The following CAP2 variants were observed in gnomAD, a reference collection of about 807,000 sequenced individuals.
CAP2 encodes the protein adenylyl cyclase-associated protein 2.
Under a neutral mutation model 57.7 loss-of-function variants are expected in CAP2, and 24 were observed. The observed-to-expected ratio is 0.42, with a 90% CI of 0.30 to 0.58. The LOEUF is 0.58. CAP2 is among the 20% of genes least tolerant of loss of function. The pLI, the probability that CAP2 is intolerant of heterozygous loss-of-function variation, is 0.22. For synonymous variants in CAP2, 194 were observed against 207.2 expected, an observed-to-expected ratio of 0.94 and a Z score of 0.55; for missense variants, 501 against 590.3, an observed-to-expected ratio of 0.85 and a Z score of 1.57.
At chr6:17,463,268 G>GT (rs564685741) in intron 4 of CAP2, among the ~76,000 whole-genome samples, 195 bp downstream of exon 4, 6,576 of 139,960 alleles carry the variant, frequency 0.047, 494 homozygotes, top group African/African-American at 0.16. Flanking sequence ...TAGTAGACAA[G>GT]TTTTTTTTTT....
intron 3 of CAP2, among the ~76,000 whole-genome samples, chr6:17,435,996 A>G (rs915428595): frequency 6.6e-6 from 1 of 152,200 alleles, no homozygotes; most frequent in Non-Finnish European, 1.5e-5. Flanking sequence ...AAGGATACTC[A>G]TGGATAGATC....
At chr6:17,494,158 A>G (rs911251254) in intron 4 of CAP2, among the ~76,000 whole-genome samples, 3 of 152,254 alleles carry the variant, frequency 2.0e-5, no homozygotes, top group South Asian at 2.1e-4. Flanking sequence ...CCAATAATCT[A>G]TTCTCAATAC....
chr6:17,495,901 A>G (rs933101507), intron 4 of CAP2, among the ~76,000 whole-genome samples: 1 of 151,908 alleles, frequency 6.6e-6, no homozygotes, highest in African/African-American at 2.4e-5. Context: ...CTGGCCAACA[A>G]ATGACCTGCA....
intron 8 of CAP2, among the ~76,000 whole-genome samples, chr6:17,540,494 T>C (rs977908178): frequency 1.3e-5 from 2 of 150,602 alleles, no homozygotes; most frequent in Non-Finnish European, 2.9e-5. Flanking sequence ...CTCACGCCTG[T>C]AATCCCAGCA....
intron 7 of CAP2, among the ~76,000 whole-genome samples, chr6:17,533,572 C>CTT (rs11398161): frequency 4.1e-4 from 57 of 139,292 alleles, no homozygotes; most frequent in East Asian, 1.0e-3. Flanking sequence ...GCTTTTCTTT[C>CTT]TTTTTTTTTT....
At chr6:17,499,474 A>C (rs1376984203) in intron 4 of CAP2, among the ~76,000 whole-genome samples, 1 of 152,094 alleles carries the variant, frequency 6.6e-6, no homozygotes, top group African/African-American at 2.4e-5. Flanking sequence ...TACCACGACA[A>C]CGTAACTATC....
chr6:17,502,030 A>G (rs886978100), intron 4 of CAP2, among the ~76,000 whole-genome samples: 2 of 152,210 alleles, frequency 1.3e-5, no homozygotes, highest in Non-Finnish European at 2.9e-5. Context: ...GTGAGACGTT[A>G]ACAAAAAGTA....
intron 11 of CAP2, among the ~76,000 whole-genome samples, chr6:17,546,483 G>A (rs9477478): frequency 0.016 from 2,425 of 152,066 alleles, 71 homozygotes; most frequent in African/African-American, 0.055. Flanking sequence ...ATTTTCTCCC[G>A]TTCTGTAGGT....
At chr6:17,555,136 T>C (rs749828482) in intron 12 of CAP2, among the ~76,000 whole-genome samples, 13 of 152,166 alleles carry the variant, frequency 8.5e-5, no homozygotes, top group Non-Finnish European at 1.3e-4. Context: ...AGATTCTCAT[T>C]CCATTCCCCA....
chr6:17,527,435 C>A (rs1762536343), intron 7 of CAP2, among the ~76,000 whole-genome samples: 1 of 151,976 alleles, frequency 6.6e-6, no homozygotes, highest in Non-Finnish European at 1.5e-5. Context: ...AGCTGGCAGA[C>A]AAGAAGAAAA....
chr6:17,536,764 A>G lies in CAP2; in HGVS notation c.637-2505A>G, dbSNP rs138598344. On this transcript the variant is annotated intron_variant, in intron 7 of 12. Coordinates refer to ENST00000229922, the MANE Select transcript of CAP2 (RefSeq NM_006366.3). ...TGTTGGGGGAAGGGGCTGTCCCTTC[A>G]CCGGCTGTATGAGTTATGATGTGCT... Among the ~76,000 whole-genome samples, 142 of 152,326 alleles carry G rather than the reference A, an allele frequency of 9.3e-4. 1 individual carries two copies. Among genetic ancestry groups the G allele is most frequent in the African/African-American group, 3.0e-3 (123 of 41,572 alleles).
chr6:17,551,556 C>T lies in CAP2; in HGVS notation c.1302C>T (p.Ser434=), dbSNP rs764263618. 10 of 1,611,558 alleles carry T rather than the reference C, an allele frequency of 6.2e-6. No homozygotes were observed. Among genetic ancestry groups the T allele is most frequent in the Middle Eastern group, 1.7e-4 (1 of 6,048 alleles). Residue 434 remains serine (S), a synonymous_variant, in exon 12 of 13, where the codon AGC becomes AGT. Transcript: ENST00000229922. ...ATGCATTAGACTGTGAGATCGTGAG[C>T]GCCAAGTCATCTGAAATGAACATAC... is the stretch of plus-strand genomic sequence containing the variant. ...SEDALDCEIV[S]AKSSEMNILI...
chr6:17,517,639 G>T lies in CAP2; in HGVS notation c.636+3685G>T, dbSNP rs546812375. 2.6e-5 allele frequency among the ~76,000 whole-genome samples: 4 copies of T among 152,214 alleles called. No homozygotes were observed. The South Asian group carries it at 6.2e-4, about 24-fold the overall frequency. On this transcript the variant is annotated intron_variant, in intron 7 of 12. Transcript: ENST00000229922. ...TTATAAGCTAGGTGTGGTGGCTCAC[G>T]CCTGTAATCCCAGCACTTTGGAAGG...
rs534550757 is a variant in CAP2 at position 17,397,098 on chromosome 6, C to T, written c.-2+3352C>T. 5.3e-5 allele frequency among the ~76,000 whole-genome samples: 8 copies of T among 152,184 alleles called. No individual in the cohort carries two copies. The East Asian group carries it at 9.8e-4, about 19-fold the overall frequency. On this transcript the variant is annotated intron_variant, in intron 1 of 12. Transcript: ENST00000229922. The stretch of plus-strand genomic sequence containing the variant: ...CTTTTGAGATGGAGTCTCTCTCTGT[C>T]GCCCAGGCTGGAATGGAGTGGCACA...
chr6:17,547,839 T>TC (rs1554130795), intron 11 of CAP2, among the ~76,000 whole-genome samples: 1 of 83,858 alleles, frequency 1.2e-5, no homozygotes, highest in Non-Finnish European at 2.5e-5. Flanking sequence ...AGACTCTGTC[T>TC]CAAAAAAAAA....
At chr6:17,448,303 T>C (rs1482168001) in intron 3 of CAP2, among the ~76,000 whole-genome samples, 2 of 152,234 alleles carry the variant, frequency 1.3e-5, no homozygotes, top group Non-Finnish European at 1.5e-5. Context: ...TCAAAAGATT[T>C]GGCTTAAATA....
At chr6:17,415,444 T>A (rs545835162) in intron 1 of CAP2, among the ~76,000 whole-genome samples, 1 of 152,326 alleles carries the variant, frequency 6.6e-6, no homozygotes, top group East Asian at 1.9e-4. Flanking sequence ...TGGTTCCAAG[T>A]AGGAAAAACT....
At chr6:17,531,301 G>A (rs1762633331) in intron 7 of CAP2, 4 of 950,306 alleles carry the variant, frequency 4.2e-6, no homozygotes, top group South Asian at 3.8e-5. Flanking sequence ...ATTTGACGAA[G>A]GGAAGAAGCT....
chr6:17,447,642 G>A (rs1460160267), intron 3 of CAP2, among the ~76,000 whole-genome samples: 1 of 152,202 alleles, frequency 6.6e-6, no homozygotes, highest in East Asian at 1.9e-4. Flanking sequence ...GGGATTACAG[G>A]CACTCGCCAT....
Sources: gnomAD v4.1 joint callset for allele counts (sites outside exome capture counted in the v4.1 genomes callset) on GRCh38, gnomAD v4.1.1 for gene constraint, MANE v1.5 for transcripts, NCBI Gene and HGNC (gene_info 2026-07-23, HGNC 2026-07-21) for gene names.